The following OR2F1 variants were observed in gnomAD, a reference collection of about 807,000 sequenced individuals.
OR2F1 encodes olfactory receptor 2F1.
For synonymous variants in OR2F1, 146 were observed against 155.3 expected (o/e 0.94, Z 0.44); for missense variants, 389 against 378.2 (o/e 1.03, Z -0.24).
Position 143,960,434 on chromosome 7 carries a change from G to T in OR2F1, c.464G>T (p.Ser155Ile). 6.2e-7 allele frequency: 1 copy of T among 1,614,190 alleles called. No individual in the cohort carries two copies. Among genetic ancestry groups the T allele is most frequent in the Non-Finnish European group, 8.5e-7 (1 of 1,180,048 alleles). Residue 155 changes from serine to isoleucine, a missense_variant, in exon 3 of 3, where the codon AGC becomes ATC. Ser to Ile is a moderately radical substitution (Grantham distance 142). Transcript: ENST00000641412. ...ACATCCTGGGTCAGTGGCTTCATCAGCTCTCCTGTGCAGACTGCTATCACC... is the reference window on the plus strand; with the variant it reads ...ACATCCTGGGTCAGTGGCTTCATCATCTCTCCTGTGCAGACTGCTATCACC... ...AITSWVSGFI[S>I]SPVQTAITFQ...
chr7:143,959,990 C>A lies in OR2F1; in HGVS notation c.20C>A (p.Thr7Asn). 1 of 1,609,028 alleles carries A rather than the reference C, an allele frequency of 6.2e-7. No individual in the cohort carries two copies. The highest frequency in any genetic ancestry group is 1.1e-5 in the South Asian group (1 of 90,308). Residue 7 changes from threonine (T) to asparagine (N), a missense_variant, in exon 3 of 3, where the codon ACT becomes AAT. Transcript: ENST00000641412. MGTDNQ[T>N]WVSEFILLGL... ...ATTTTAATGGGAACAGATAACCAGACTTGGGTGAGTGAATTTATTCTCCTC... is the reference window on the plus strand; with the variant it reads ...ATTTTAATGGGAACAGATAACCAGAATTGGGTGAGTGAATTTATTCTCCTC...
At chr7:143,956,973 A>G (rs1393039510) in intron 1 of OR2F1, among the ~76,000 whole-genome samples, 1 of 152,192 alleles carries the variant, frequency 6.6e-6, no homozygotes, top group Non-Finnish European at 1.5e-5. Flanking sequence ...CCGATAGTAA[A>G]AAAGAACTCA....
At chr7:143,957,000 G>A (rs569522184) in intron 1 of OR2F1, among the ~76,000 whole-genome samples, 33 of 152,306 alleles carry the variant, frequency 2.2e-4, no homozygotes, top group African/African-American at 7.2e-4. Flanking sequence ...AATTTCATTC[G>A]TGGATAGAGG....
chr7:143,961,103 A>T lies in OR2F1; in HGVS notation c.*179A>T, dbSNP rs928037080. 4 of 586,812 alleles carry T rather than the reference A, an allele frequency of 6.8e-6. No individual in the cohort carries two copies. In the African/African-American group the frequency reaches 7.5e-5, roughly 11 times the overall value. The allele number at this position is 586,812 out of a possible 1,614,324, so 36.4% of individuals were successfully genotyped here. A position where few individuals can be genotyped will look rare whatever the true frequency, so the allele number is the denominator to read the frequency against. On this transcript the variant is annotated 3_prime_UTR_variant, in exon 3 of 3. Coordinates refer to ENST00000641412, the MANE Select transcript of OR2F1 (RefSeq NM_012369.3). ...GATGGGGTGTGGGACGTGGGGTTATATTTATGAACAGTGGAGTTAGATACT... is the reference window on the plus strand; with the variant it reads ...GATGGGGTGTGGGACGTGGGGTTATTTTTATGAACAGTGGAGTTAGATACT...
At position 143,963,615 on chromosome 7, in the gene OR2F1, C is replaced by T. The variant is rs1198699778; in HGVS notation, c.*2691C>T. 2.6e-5 allele frequency: 4 copies of T among 152,886 alleles called. No homozygotes were observed. The highest frequency in any genetic ancestry group is 9.7e-5 in the African/African-American group (4 of 41,436). 9.5% of individuals were successfully genotyped at this position (152,886 alleles called of 1,614,324 possible). A position where few individuals can be genotyped will look rare whatever the true frequency, so the allele number is the denominator to read the frequency against. Reference sequence around the variant, plus strand: ...ACAGAAGCCAGTTGGAGTTCCAAAACCTCAAAAGTAGGGAAGCCAACAGTG... The same window carrying T: ...ACAGAAGCCAGTTGGAGTTCCAAAATCTCAAAAGTAGGGAAGCCAACAGTG... On this transcript the variant is annotated 3_prime_UTR_variant, in exon 3 of 3. Coordinates refer to ENST00000641412, the MANE Select transcript of OR2F1 (RefSeq NM_012369.3).
chr7:143,964,295 A>G lies in OR2F1; in HGVS notation c.*3371A>G, dbSNP rs1369286731. Reference sequence around the variant, plus strand: ...AAAAGACACTGAAAAGTATTTGAAAATAAAATATTTTTCATTAGTTAATAA... The same window carrying G: ...AAAAGACACTGAAAAGTATTTGAAAGTAAAATATTTTTCATTAGTTAATAA... On this transcript the variant is annotated 3_prime_UTR_variant, in exon 3 of 3. Transcript: ENST00000641412. 1 of 152,176 alleles carries G rather than the reference A, an allele frequency of 6.6e-6. No homozygotes were observed. Among genetic ancestry groups the G allele is most frequent in the Non-Finnish European group, 1.5e-5 (1 of 68,038 alleles). The allele number at this position is 152,176 out of a possible 1,614,324, so 9.4% of individuals were successfully genotyped here.
rs879869024 is a variant in OR2F1 at position 143,961,442 on chromosome 7, T to C, written c.*518T>C. The C allele has an allele frequency of 1.3e-5, 2 of 155,870 alleles. No homozygotes were observed. The highest frequency in any genetic ancestry group is 2.9e-5 in the Non-Finnish European group (2 of 70,142). The allele number at this position is 155,870 out of a possible 1,614,324, so 9.7% of individuals were successfully genotyped here. ...GTTATTGTCAAGGCTGACTAAAATG[T>C]TTTTGTGCAGGACCTACAAAAGGTG... On this transcript the variant is annotated 3_prime_UTR_variant, in exon 3 of 3. Coordinates refer to ENST00000641412, the MANE Select transcript of OR2F1 (RefSeq NM_012369.3).
chr7:143,959,453 T>A, intron 2 of OR2F1, among the ~76,000 whole-genome samples: 1 of 152,206 alleles, frequency 6.6e-6, no homozygotes. Flanking sequence ...ATCTGCCTAA[T>A]AAAATAAGGT....
Position 143,960,776 on chromosome 7 carries a change from T to C in OR2F1, c.806T>C (p.Leu269Pro), listed in dbSNP as rs201938504. ...YIQPHSSPSV[L>P]QEKLFSVFYA... ...CAGCCCCACTCCAGTCCCTCTGTCCTTCAGGAGAAGTTGTTCTCTGTCTTT... is the reference window on the plus strand; with the variant it reads ...CAGCCCCACTCCAGTCCCTCTGTCCCTCAGGAGAAGTTGTTCTCTGTCTTT... The change falls in exon 3 of 3, where the codon CTT (leucine) becomes CCT (proline). Residue 269 changes from leucine to proline, a missense_variant. By Grantham distance (98) the Leu-to-Pro change is moderately conservative. Transcript: ENST00000641412. 1.2e-6 allele frequency: 2 copies of C among 1,614,180 alleles called. No homozygotes were observed. Among genetic ancestry groups the C allele is most frequent in the Non-Finnish European group, 1.7e-6 (2 of 1,180,028 alleles).
chr7:143,960,015 C>T lies in OR2F1; in HGVS notation c.45C>T (p.Leu15=), dbSNP rs373372224. 9.9e-6 allele frequency: 16 copies of T among 1,613,386 alleles called. No homozygotes were observed. Among genetic ancestry groups the T allele is most frequent in the Admixed American group, 1.7e-5 (1 of 59,962 alleles). ...NQTWVSEFIL[L]GLSSDWDTRV... ...CTTGGGTGAGTGAATTTATTCTCCT[C>T]GGCCTGTCCAGTGACTGGGACACTC... is the stretch of plus-strand genomic sequence containing the variant. The change falls in exon 3 of 3, where the codon CTC becomes CTT. Residue 15 remains leucine (L), a synonymous_variant. Coordinates refer to ENST00000641412, the MANE Select transcript of OR2F1 (RefSeq NM_012369.3).
intron 1 of OR2F1, among the ~76,000 whole-genome samples, chr7:143,958,073 G>A (rs185245462): frequency 3.9e-4 from 60 of 152,178 alleles, no homozygotes; most frequent in African/African-American, 1.3e-3. Flanking sequence ...CAAATGATAC[G>A]GTGAAGATCA....
In OR2F1 at chr7:143,964,175, A is replaced by G. The variant is rs768435897; in HGVS notation, c.*3251A>G. 6.6e-6 allele frequency: 1 copy of G among 152,188 alleles called. No homozygotes were observed. The highest frequency in any genetic ancestry group is 1.5e-5 in the Non-Finnish European group (1 of 68,022). 9.4% of individuals were successfully genotyped at this position (152,188 alleles called of 1,614,324 possible). A position where few individuals can be genotyped will look rare whatever the true frequency, so the allele number is the denominator to read the frequency against. On this transcript the variant is annotated 3_prime_UTR_variant, in exon 3 of 3. Coordinates refer to ENST00000641412, the MANE Select transcript of OR2F1 (RefSeq NM_012369.3). ...TAGCTGCTTGTGAAGGACATTCCCAATAGAAGGCATGAACATTGTCTTGAT... is the reference window on the plus strand; with the variant it reads ...TAGCTGCTTGTGAAGGACATTCCCAGTAGAAGGCATGAACATTGTCTTGAT...
chr7:143,961,070 T>C lies in OR2F1; in HGVS notation c.*146T>C. ...GGATGTTATGGAGGAGGGGGAGTGG[T>C]TCAATTGGATGGGGTGTGGGACGTG... On this transcript the variant is annotated 3_prime_UTR_variant, in exon 3 of 3. Coordinates refer to ENST00000641412, the MANE Select transcript of OR2F1 (RefSeq NM_012369.3). 1.5e-6 allele frequency: 1 copy of C among 645,514 alleles called. No individual in the cohort carries two copies. 40.0% of individuals were successfully genotyped at this position (645,514 alleles called of 1,614,324 possible).
Position 143,959,061 on chromosome 7 carries a change from G to A in OR2F1, c.-71G>A, listed in dbSNP as rs1014986655. 1 of 119,366 alleles carries A rather than the reference G, an allele frequency of 8.4e-6. No homozygotes were observed. The highest frequency in any genetic ancestry group is 4.0e-5 in the African/African-American group (1 of 24,776). 7.4% of individuals were successfully genotyped at this position (119,366 alleles called of 1,614,324 possible). A position where few individuals can be genotyped will look rare whatever the true frequency, so the allele number is the denominator to read the frequency against. On this transcript the variant is annotated 5_prime_UTR_variant, in exon 2 of 3. Coordinates refer to ENST00000641412, the MANE Select transcript of OR2F1 (RefSeq NM_012369.3). ...AAGGTCAAGGGCTACCTGAAAGACC[G>A]GTGGCCCCAGGATCCTCAAAGCATC...
intron 1 of OR2F1, among the ~76,000 whole-genome samples, chr7:143,956,710 A>G: frequency 6.6e-6 from 1 of 152,150 alleles, no homozygotes; most frequent in Admixed American, 6.5e-5. Flanking sequence ...AAAAATTTGT[A>G]TTTTATATAA....
chr7:143,958,552 C>T (rs754832895), intron 1 of OR2F1, among the ~76,000 whole-genome samples: 2 of 152,156 alleles, frequency 1.3e-5, no homozygotes, highest in Non-Finnish European at 2.9e-5. Context: ...GACAGTCTTT[C>T]CCTTGCGAGT....
chr7:143,959,841 G>A, intron 2 of OR2F1, 107 bp from the exon 3 acceptor site: 1 of 685,344 alleles, frequency 1.5e-6, no homozygotes, highest in East Asian at 2.6e-5. Flanking sequence ...GCCAATAAAT[G>A]ATCTAAAATA....
chr7:143,955,892 G>GTTGGTGTTGGACAAGTACTGTGTTT (rs1347902680), intron 1 of OR2F1, among the ~76,000 whole-genome samples: 3 of 152,154 alleles, frequency 2.0e-5, no homozygotes, highest in Non-Finnish European at 2.9e-5. Flanking sequence ...AGGTAATGTT[G>GTTGGTGTTGGACAAGTACTGTGTTT]TTGGTGTTGG....
In OR2F1 at chr7:143,960,674, AG is replaced by A. The variant is rs758461418; in HGVS notation, c.705del (p.Ala237LeufsTer45). 43 of 1,613,848 alleles carry A rather than the reference AG, an allele frequency of 2.7e-5. No individual in the cohort carries two copies. The Admixed American group carries it at 5.8e-4, about 22-fold the overall frequency. On this transcript the variant is annotated frameshift_variant, in exon 3 of 3. Transcript: ENST00000641412. LOFTEE classifies it low-confidence loss of function (END_TRUNC). Reference sequence around the variant, plus strand: ...AAGATCCAGTCCAGAGAAGGAAGAAAGAAAGCTTTCCACACGTGTGCCTCTC... The same window carrying A: ...AAGATCCAGTCCAGAGAAGGAAGAAAAAAGCTTTCCACACGTGTGCCTCTC... ...ILKIQSREGR[K>X]KAFHTCASHL... is the part of the protein sequence containing the mutation.
Sources: allele counts gnomAD v4.1 joint callset (sites outside exome capture counted in the v4.1 genomes callset), GRCh38; gene constraint gnomAD v4.1.1; transcripts MANE v1.5; gene names NCBI Gene and HGNC (gene_info 2026-07-23, HGNC 2026-07-21).